GOLGA4: variants seen among roughly 807,000 people sequenced by gnomAD.
The protein encoded by GOLGA4 is golgin A4.
In GOLGA4, 169 loss-of-function variants were observed where a neutral mutation model predicts 265.9. The ratio of observed to expected loss-of-function variants is 0.64; its 90% CI spans 0.56 to 0.72. GOLGA4 has a LOEUF of 0.72. Among genes scored for constraint, GOLGA4 ranks in the 30% least tolerant of loss-of-function variants. The probability of loss-of-function intolerance (pLI) is 0.00; values close to 1 mark genes in which losing one functional copy is unlikely to be tolerated. For missense variants in GOLGA4, 2,482 were observed against 2,483.4 expected (o/e 1.00, Z 0.01); for synonymous variants, 923 against 855.8 (o/e 1.08, Z -1.37).
intron 2 of GOLGA4, among the ~76,000 whole-genome samples, 163 bp from the exon 3 acceptor site, chr3:37,281,795 A>T (rs974295899): frequency 5.9e-5 from 9 of 152,374 alleles, no homozygotes; most frequent in Admixed American, 2.0e-4. Context: ...TGTTTCAGCA[A>T]TAACCAAGTG....
chr3:37,343,966 G>T (rs539241397), intron 20 of GOLGA4, among the ~76,000 whole-genome samples: 5 of 152,196 alleles, frequency 3.3e-5, no homozygotes, highest in Non-Finnish European at 7.3e-5. Context: ...AATGGTGTTA[G>T]TAAAATTCCA....
chr3:37,350,109 A>G (rs1377354584), intron 21 of GOLGA4, among the ~76,000 whole-genome samples: 1 of 152,162 alleles, frequency 6.6e-6, no homozygotes, highest in Non-Finnish European at 1.5e-5. Context: ...ACCTGGCAGG[A>G]GAGATCACTT....
chr3:37,299,045 C>T, intron 8 of GOLGA4, 25 bp downstream of exon 8: 5 of 1,525,232 alleles, frequency 3.3e-6, no homozygotes, highest in Non-Finnish European at 4.4e-6. Flanking sequence ...GAGTTTTGTT[C>T]TAATTTAATC....
chr3:37,317,911 T>C (rs1346298030), intron 11 of GOLGA4, among the ~76,000 whole-genome samples: 2 of 151,942 alleles, frequency 1.3e-5, no homozygotes, highest in East Asian at 3.8e-4. Flanking sequence ...CTTGTTTTCG[T>C]AGAAAATTTT....
chr3:37,353,741 C>T (rs571197002), intron 21 of GOLGA4, among the ~76,000 whole-genome samples: 126 of 152,004 alleles, frequency 8.3e-4, no homozygotes, highest in South Asian at 1.9e-3. Context: ...AATAAAATAG[C>T]CATAATCCTG....
rs62619169 is a variant in GOLGA4, at chr3:37,275,936, A to G, written c.163-6022A>G. The G allele has an allele frequency of 1.9e-5, 30 of 1,613,624 alleles. No homozygotes were observed. In the Admixed American group the frequency reaches 4.8e-4, roughly 26 times the overall value. ...GAAAAAATTATTAGATGGGCCATCAACTGAGAAAGACCTTGACGAAAAGAA... is the reference window on the plus strand; with the variant it reads ...GAAAAAATTATTAGATGGGCCATCAGCTGAGAAAGACCTTGACGAAAAGAA... On this transcript the variant is annotated intron_variant, in intron 2 of 23. Transcript: ENST00000361924.
chr3:37,325,814 A>G lies in GOLGA4; in HGVS notation c.3928A>G (p.Lys1310Glu), dbSNP rs752395250. The change falls in exon 14 of 24, where the codon AAG becomes GAG. Residue 1310 changes from lysine to glutamate, a missense_variant. Lys to Glu is a moderately conservative substitution (Grantham distance 56). Coordinates refer to ENST00000361924, the MANE Select transcript of GOLGA4 (RefSeq NM_002078.5). ...EEKENQIKSMKADIESLVTEK... is the reference protein window; with the variant it reads ...EEKENQIKSMEADIESLVTEK... ...AAAAGAAAATCAAATTAAGAGCATG[A>G]AGGCTGATATTGAAAGTCTTGTAAC... 2.4e-5 allele frequency: 39 copies of G among 1,612,884 alleles called. No individual in the cohort carries two copies. The highest frequency in any genetic ancestry group is 3.3e-5 in the Non-Finnish European group (39 of 1,179,172).
intron 10 of GOLGA4, among the ~76,000 whole-genome samples, chr3:37,308,278 T>C (rs1390497651): frequency 6.6e-6 from 1 of 151,372 alleles, no homozygotes; most frequent in African/African-American, 2.4e-5. Context: ...TCGGATAAAT[T>C]GGTAAATTTT....
intron 5 of GOLGA4, among the ~76,000 whole-genome samples, chr3:37,291,141 G>A (rs986023451): frequency 8.6e-4 from 131 of 152,030 alleles, no homozygotes; most frequent in African/African-American, 2.9e-3. Context: ...TTAGAGGTTA[G>A]GCATCAGGTT....
chr3:37,268,680 G>A (rs565676546), intron 2 of GOLGA4, among the ~76,000 whole-genome samples: 1 of 151,746 alleles, frequency 6.6e-6, no homozygotes, highest in African/African-American at 2.4e-5. Context: ...CAGGTGATCC[G>A]CCCACTTCAG....
At chr3:37,316,233 A>T (rs1220897974) in intron 11 of GOLGA4, among the ~76,000 whole-genome samples, 5 of 131,486 alleles carry the variant, frequency 3.8e-5, no homozygotes, top group Non-Finnish European at 6.4e-5. Flanking sequence ...TCCTCCTGTC[A>T]TGTTTGCCTT....
intron 10 of GOLGA4, 96 bp from the exon 11 acceptor site, chr3:37,315,324 T>A: frequency 1.0e-6 from 1 of 976,004 alleles, no homozygotes; most frequent in South Asian, 1.7e-5. Context: ...CCTATCCTGC[T>A]ACTGCTGCTC....
chr3:37,255,624 ATTAAC>A (rs903223007), intron 2 of GOLGA4, among the ~76,000 whole-genome samples: 2 of 152,222 alleles, frequency 1.3e-5, no homozygotes, highest in African/African-American at 4.8e-5. Context: ...AAATCAGGAA[ATTAAC>A]TTAATGAAAC....
intron 1 of GOLGA4, among the ~76,000 whole-genome samples, chr3:37,247,191 G>C (rs1379257808): frequency 6.6e-6 from 1 of 152,222 alleles, no homozygotes; most frequent in Non-Finnish European, 1.5e-5. Context: ...TTAGAACTGG[G>C]ATGTCAAATT....
intron 22 of GOLGA4, among the ~76,000 whole-genome samples, chr3:37,359,314 T>A (rs541849749): frequency 3.0e-4 from 45 of 152,286 alleles, no homozygotes; most frequent in East Asian, 7.7e-4. Context: ...TGATTTTTTT[T>A]AAAATGAGAG....
chr3:37,273,552 C>A, intron 2 of GOLGA4: 1 of 1,508,154 alleles, frequency 6.6e-7, no homozygotes, highest in Non-Finnish European at 8.9e-7. Context: ...TCTACTCATG[C>A]CTCGAAATCT....
chr3:37,275,444 T>A (rs1379480184), intron 2 of GOLGA4, among the ~76,000 whole-genome samples: 1 of 152,074 alleles, frequency 6.6e-6, no homozygotes, highest in Admixed American at 6.5e-5. Context: ...TAATTTTCTA[T>A]AAGTGCCATG....
chr3:37,284,197 CTTTTA>C (rs930331613), intron 3 of GOLGA4, among the ~76,000 whole-genome samples: 2 of 152,066 alleles, frequency 1.3e-5, no homozygotes, highest in Non-Finnish European at 2.9e-5. Flanking sequence ...CACAATTTTT[CTTTTA>C]TTTTTAGTTC....
intron 9 of GOLGA4, 97 bp downstream of exon 9, chr3:37,299,468 TA>T: frequency 4.2e-6 from 3 of 707,158 alleles, no homozygotes; most frequent in Non-Finnish European, 2.4e-6. Context: ...TTCTGTTTTC[TA>T]AAAATTATTG....
Sources: gnomAD v4.1 joint callset for allele counts (sites outside exome capture counted in the v4.1 genomes callset) on GRCh38, gnomAD v4.1.1 for gene constraint, MANE v1.5 for transcripts, NCBI Gene and HGNC (gene_info 2026-07-23, HGNC 2026-07-21) for gene names.